MEI4: variants seen among roughly 807,000 people sequenced by gnomAD.
MEI4 encodes the protein meiosis-specific protein MEI4.
A neutral mutation model predicts 31.4 loss-of-function variants in MEI4; 27 were observed. The ratio of observed to expected loss-of-function variants is 0.86; its 90% CI spans 0.63 to 1.19. The LOEUF is 1.19. Ranked by LOEUF, MEI4 falls within the 50% of genes most tolerant of loss-of-function variation. The pLI is 0.00. For synonymous variants in MEI4, 122 were observed against 145.4 expected (o/e 0.84, Z 1.16); for missense variants, 329 against 398.9 (o/e 0.82, Z 1.49).
Position 77,820,090 on chromosome 6 carries a change from G to C in MEI4, c.769-8841G>C, listed in dbSNP as rs1286258234. On this transcript the variant is annotated intron_variant, in intron 3 of 4. Coordinates refer to ENST00000684080, the MANE Select transcript of MEI4 (RefSeq NM_001322247.2). This position sits in a 1 kb window ranked among gnomAD's most constrained non-coding sequence, Gnocchi z 4.5. Reference sequence around the variant, plus strand: ...TTTTCCTTCTATCACTGTGTACTTGGCAGTGTCAGTATCAGGATATGAGTT... The same window carrying C: ...TTTTCCTTCTATCACTGTGTACTTGCCAGTGTCAGTATCAGGATATGAGTT... Among the ~76,000 whole-genome samples, 1 of 151,876 alleles carries C rather than the reference G, an allele frequency of 6.6e-6. No individual in the cohort carries two copies. The highest frequency in any genetic ancestry group is 2.4e-5 in the African/African-American group (1 of 41,414).
intron 4 of MEI4, among the ~76,000 whole-genome samples, chr6:77,898,297 T>C (rs1263159632): frequency 6.6e-6 from 1 of 152,034 alleles, no homozygotes. Flanking sequence ...AAGGATAATT[T>C]ATTAAAAGTC....
intron 4 of MEI4, among the ~76,000 whole-genome samples, chr6:77,855,495 C>T (rs1309354381): frequency 6.6e-6 from 1 of 152,172 alleles, no homozygotes; most frequent in African/African-American, 2.4e-5. Context: ...ACTCTAGTGC[C>T]TTAATGAGTA....
intron 2 of MEI4, among the ~76,000 whole-genome samples, chr6:77,739,720 A>C (rs1369752798): frequency 2.0e-5 from 3 of 151,880 alleles, no homozygotes; most frequent in Admixed American, 6.6e-5. Flanking sequence ...GTATCCCAGA[A>C]CTTAGAATTA....
intron 1 of MEI4, 112 bp from the exon 2 acceptor site, chr6:77,690,546 C>T (rs763144437): frequency 2.1e-6 from 1 of 470,332 alleles, no homozygotes; most frequent in African/African-American, 2.0e-5. Context: ...GGTGCCAAGT[C>T]TTATTATAAA....
chr6:77,774,498 A>ATG (rs1370409757), intron 3 of MEI4, among the ~76,000 whole-genome samples: 1 of 152,086 alleles, frequency 6.6e-6, no homozygotes, highest in Non-Finnish European at 1.5e-5. Context: ...GAGTAAAATG[A>ATG]TGTTTACCAA....
intron 1 of MEI4, among the ~76,000 whole-genome samples, chr6:77,655,518 G>T (rs1448875725): frequency 6.6e-6 from 1 of 152,180 alleles, no homozygotes; most frequent in East Asian, 1.9e-4. Flanking sequence ...TTTAAAATAT[G>T]AAGAGTTGTC....
intron 3 of MEI4, among the ~76,000 whole-genome samples, chr6:77,772,169 T>C (rs1253743633): frequency 6.6e-6 from 1 of 151,362 alleles, no homozygotes; most frequent in African/African-American, 2.4e-5. Flanking sequence ...CTGCTCAAAC[T>C]CTTCTGAAAA....
At chr6:77,734,672 C>T (rs1463416941) in intron 2 of MEI4, among the ~76,000 whole-genome samples, 1 of 151,560 alleles carries the variant, frequency 6.6e-6, no homozygotes, top group East Asian at 1.9e-4. Context: ...GAATTTGATC[C>T]TGTCATTATG....
At chr6:77,884,294 T>C (rs1268476515) in intron 4 of MEI4, among the ~76,000 whole-genome samples, 2 of 152,194 alleles carry the variant, frequency 1.3e-5, no homozygotes. Flanking sequence ...TTTCCCTCAT[T>C]TAACAAATTG....
intron 4 of MEI4, among the ~76,000 whole-genome samples, chr6:77,868,514 T>TATATAC (rs1554170580): frequency 7.7e-6 from 1 of 129,682 alleles, no homozygotes; most frequent in African/African-American, 3.1e-5. Context: ...TATATATATA[T>TATATAC]ATATATATAT....
intron 3 of MEI4, among the ~76,000 whole-genome samples, chr6:77,786,755 G>C (rs1768746347): frequency 6.6e-6 from 1 of 152,076 alleles, no homozygotes; most frequent in Non-Finnish European, 1.5e-5. Context: ...TATGCCATTA[G>C]TGATGTGTTG....
intron 2 of MEI4, among the ~76,000 whole-genome samples, chr6:77,744,723 G>T (rs551043074): frequency 6.6e-6 from 1 of 152,298 alleles, no homozygotes; most frequent in African/African-American, 2.4e-5. Flanking sequence ...CAGAGAGAAA[G>T]GTATGGTTAC....
At chr6:77,699,362 T>G (rs977524539) in intron 2 of MEI4, among the ~76,000 whole-genome samples, 6 of 151,508 alleles carry the variant, frequency 4.0e-5, no homozygotes, top group African/African-American at 1.5e-4. Flanking sequence ...GCTAATTTTT[T>G]TTTGTATTTT....
intron 4 of MEI4, among the ~76,000 whole-genome samples, chr6:77,846,529 G>A (rs1770491562): frequency 6.6e-6 from 1 of 152,004 alleles, no homozygotes; most frequent in African/African-American, 2.4e-5. Flanking sequence ...CATAGGATCT[G>A]TATCATTGTT....
intron 4 of MEI4, among the ~76,000 whole-genome samples, chr6:77,896,313 T>C (rs1766083693): frequency 6.6e-6 from 1 of 152,102 alleles, no homozygotes; most frequent in Non-Finnish European, 1.5e-5. Context: ...GTGAGTCAAA[T>C]CACAGGATGT....
intron 3 of MEI4, among the ~76,000 whole-genome samples, chr6:77,802,928 G>C (rs1268705865): frequency 6.6e-6 from 1 of 152,034 alleles, no homozygotes; most frequent in African/African-American, 2.4e-5. Context: ...TTCAACTTTG[G>C]TGAATCTTAC....
intron 4 of MEI4, among the ~76,000 whole-genome samples, chr6:77,843,800 AAAT>A (rs1030691343): frequency 7.2e-5 from 11 of 152,244 alleles, no homozygotes; most frequent in Non-Finnish European, 1.3e-4. Context: ...TGACATTTAA[AAAT>A]AATCATTAAT....
chr6:77,808,326 A>C (rs551831409), intron 3 of MEI4, among the ~76,000 whole-genome samples: 1 of 152,330 alleles, frequency 6.6e-6, no homozygotes, highest in African/African-American at 2.4e-5. Flanking sequence ...AGTATTGGCA[A>C]ATTGATTAAG....
At chr6:77,912,695 T>C (rs1766459050) in intron 4 of MEI4, among the ~76,000 whole-genome samples, 1 of 152,124 alleles carries the variant, frequency 6.6e-6, no homozygotes, top group Admixed American at 6.6e-5. Flanking sequence ...TTATTAGATC[T>C]AAGAGTTTTT....
Sources: gnomAD v4.1 joint callset for allele counts (sites outside exome capture counted in the v4.1 genomes callset) on GRCh38, gnomAD v4.1.1 for gene constraint, Gnocchi (gnomAD v3.1) non-coding constraint, MANE v1.5 for transcripts, NCBI Gene and HGNC (gene_info 2026-07-23, HGNC 2026-07-21) for gene names.